Variants in DSCAML1 observed in about 807,000 individuals in gnomAD.
DSCAML1 encodes DS cell adhesion molecule like 1.
DSCAML1 carries 38 observed loss-of-function variants against 200.5 expected under a neutral mutation model. The ratio of observed to expected loss-of-function variants is 0.19; its 90% CI spans 0.15 to 0.25. DSCAML1 has a LOEUF of 0.25. Among genes scored for constraint, DSCAML1 ranks in the 10% least tolerant of loss-of-function variants. DSCAML1 has a pLI of 1.00. For synonymous variants in DSCAML1, 1,215 were observed against 1,165.0 expected (o/e 1.04, Z -0.87); for missense variants, 2,223 against 2,858.8 (o/e 0.78, Z 5.07).
chr11:117,767,129 T>C (rs547455776), intron 3 of DSCAML1, among the ~76,000 whole-genome samples: 31 of 152,198 alleles, frequency 2.0e-4, no homozygotes, highest in African/African-American at 7.2e-4. Flanking sequence ...GAGAGCACCA[T>C]ACAAACCGAA....
At chr11:117,578,230 T>C (rs1424945171) in intron 3 of DSCAML1, among the ~76,000 whole-genome samples, 1 of 96,978 alleles carries the variant, frequency 1.0e-5, no homozygotes, top group Non-Finnish European at 2.1e-5. Flanking sequence ...AGCGAAACTC[T>C]GTCTCGAAAA....
intron 8 of DSCAML1, among the ~76,000 whole-genome samples, chr11:117,510,281 G>C (rs2049593087): frequency 6.6e-6 from 1 of 152,160 alleles, no homozygotes; most frequent in South Asian, 2.1e-4. Context: ...CACGGAGATG[G>C]GGCACTAGCC....
intron 3 of DSCAML1, among the ~76,000 whole-genome samples, chr11:117,597,427 CAAG>C (rs2051383792): frequency 6.6e-6 from 1 of 152,180 alleles, no homozygotes; most frequent in Admixed American, 6.5e-5. Flanking sequence ...TGCCAGCCTG[CAAG>C]AAGGAGGACC....
chr11:117,662,050 G>A (rs2052865886), intron 3 of DSCAML1, among the ~76,000 whole-genome samples: 1 of 152,328 alleles, frequency 6.6e-6, no homozygotes, highest in African/African-American at 2.4e-5. Context: ...TTTCTCAGAA[G>A]TGCTTCTGCC....
chr11:117,606,324 G>A (rs566995824), intron 3 of DSCAML1, among the ~76,000 whole-genome samples: 2 of 152,156 alleles, frequency 1.3e-5, no homozygotes, highest in South Asian at 4.2e-4. Context: ...TACCTTCACT[G>A]CCCCCCTGGA....
intron 5 of DSCAML1, among the ~76,000 whole-genome samples, chr11:117,523,601 T>C (rs1030157393): frequency 1.3e-5 from 2 of 152,196 alleles, no homozygotes; most frequent in African/African-American, 2.4e-5. Context: ...ACACTCCAAC[T>C]CTCAAGACTC....
chr11:117,431,774 C>A (rs753919145), intron 30 of DSCAML1, 46 bp from the exon 31 acceptor site: 2 of 1,493,826 alleles, frequency 1.3e-6, no homozygotes, highest in Admixed American at 4.1e-5. Context: ...CCAAAGGCAC[C>A]CAGGCTTGGG....
chr11:117,556,998 G>A (rs569171784), intron 3 of DSCAML1, among the ~76,000 whole-genome samples: 23 of 152,202 alleles, frequency 1.5e-4, no homozygotes, highest in Non-Finnish European at 2.6e-4. Flanking sequence ...CTCTCCTGGA[G>A]ATGGATGCAG....
At chr11:117,771,822 A>G (rs2055044364) in intron 3 of DSCAML1, among the ~76,000 whole-genome samples, 1 of 152,228 alleles carries the variant, frequency 6.6e-6, no homozygotes. Context: ...TAGAGATAAT[A>G]TATATAAAAT....
chr11:117,613,682 G>A (rs1363283106), intron 3 of DSCAML1, among the ~76,000 whole-genome samples: 2 of 152,196 alleles, frequency 1.3e-5, no homozygotes, highest in African/African-American at 4.8e-5. Context: ...ACCGCGTTAG[G>A]CAGGCGGGGA....
In DSCAML1 at chr11:117,521,246, A is replaced by T; in HGVS notation, c.1097T>A (p.Leu366His). The change falls in exon 6 of 33, where the codon CTC becomes CAC. Residue 366 changes from leucine (L) to histidine (H), a missense_variant. Leu to His is a moderately conservative substitution (Grantham distance 99). This residue lies in a region of DSCAML1 where 579 missense variants were observed against 721.5 expected (regional missense o/e 0.80). Coordinates refer to ENST00000651296, the MANE Select transcript of DSCAML1 (RefSeq NM_020693.4). ...GGTGATGAGCAGCGTCTCGTTGCTGAGCCCGCGGATGGAGATGGCCTCGTC... is the reference window on the plus strand; with the variant it reads ...GGTGATGAGCAGCGTCTCGTTGCTGTGCCCGCGGATGGAGATGGCCTCGTC... The part of the protein sequence containing the change: ...LPDEAISIRG[L>H]SNETLLITSA... 1 of 1,614,138 alleles carries T rather than the reference A, an allele frequency of 6.2e-7. No individual in the cohort carries two copies. The highest frequency in any genetic ancestry group is 8.5e-7 in the Non-Finnish European group (1 of 1,180,022).
Position 117,516,356 on chromosome 11 carries a change from C to G in DSCAML1, c.1783+111G>C. Reference sequence around the variant, plus strand: ...CCAAGCTGGGGCCTCTCTTGCTCAGCCTTCCGTTCACCCAGGATTGCCTAT... The same window carrying G: ...CCAAGCTGGGGCCTCTCTTGCTCAGGCTTCCGTTCACCCAGGATTGCCTAT... On this transcript the variant is annotated intron_variant, in intron 8 of 32. Transcript: ENST00000651296. This position sits in a 1 kb window ranked among gnomAD's most constrained non-coding sequence, Gnocchi z 5.7. 1 of 1,385,220 alleles carries G rather than the reference C, an allele frequency of 7.2e-7. No individual in the cohort carries two copies. Among genetic ancestry groups the G allele is most frequent in the Non-Finnish European group, 9.8e-7 (1 of 1,025,350 alleles). 85.8% of individuals were successfully genotyped at this position (1,385,220 alleles called of 1,614,324 possible).
chr11:117,666,855 A>G (rs1420492484), intron 3 of DSCAML1, among the ~76,000 whole-genome samples: 3 of 152,200 alleles, frequency 2.0e-5, no homozygotes, highest in African/African-American at 7.2e-5. Flanking sequence ...GCAGTGATGG[A>G]TCTGGAGTGC....
intron 3 of DSCAML1, among the ~76,000 whole-genome samples, chr11:117,761,068 G>C (rs1370543261): frequency 2.0e-5 from 3 of 152,122 alleles, no homozygotes; most frequent in Admixed American, 6.5e-5. Context: ...CTACAAGGGG[G>C]TCTCATATCT....
intron 3 of DSCAML1, among the ~76,000 whole-genome samples, chr11:117,718,236 C>A (rs550072878): frequency 1.3e-5 from 2 of 152,216 alleles, no homozygotes; most frequent in East Asian, 1.9e-4. Flanking sequence ...TCCCCCACCC[C>A]CCTTCCCGAG....
At position 117,431,758 on chromosome 11, in the gene DSCAML1, C is replaced by A. The variant is rs369012339; in HGVS notation, c.5180-30G>T. The A allele has an allele frequency of 1.3e-4, 198 of 1,504,180 alleles. 1 individual carries two copies. In the Admixed American group the frequency reaches 3.6e-3, roughly 28 times the overall value. The allele number at this position is 1,504,180 out of a possible 1,614,324, so 93.2% of individuals were successfully genotyped here. Reference sequence around the variant, plus strand: ...ACAGACAGAAGCAAGAAATTGCATCCTCCAACCAAAGGCACCCAGGCTTGG... The same window carrying A: ...ACAGACAGAAGCAAGAAATTGCATCATCCAACCAAAGGCACCCAGGCTTGG... On this transcript the variant is annotated intron_variant, in intron 30 of 32. Transcript: ENST00000651296.
chr11:117,771,652 A>G (rs1485306883), intron 3 of DSCAML1, among the ~76,000 whole-genome samples: 2 of 152,210 alleles, frequency 1.3e-5, no homozygotes, highest in Non-Finnish European at 2.9e-5. Context: ...AGGAACCGGA[A>G]GACCGGCTCA....
Position 117,780,736 on chromosome 11 carries a change from C to A in DSCAML1, c.121G>T (p.Val41Leu), listed in dbSNP as rs775298739. 1.9e-6 allele frequency: 3 copies of A among 1,559,020 alleles called. No homozygotes were observed. The highest frequency in any genetic ancestry group is 2.0e-5 in the Admixed American group (1 of 50,736). ...GCCGGGCAGGGCACCACCACCCCCA[C>A]GGAGCTGGAAAAGGTCACCTGCTGC... Reference protein sequence around the residue: ...SLQQVTFSSSVGVVVPCPAAG... With the variant: ...SLQQVTFSSSLGVVVPCPAAG... The change falls in exon 2 of 33, where the codon GTG becomes TTG. Residue 41 changes from valine (V) to leucine (L), a missense_variant. By Grantham distance (32) the Val-to-Leu change is conservative. This residue lies in a region of DSCAML1 where 579 missense variants were observed against 721.5 expected (regional missense o/e 0.80). Transcript: ENST00000651296. This position sits in a 1 kb window ranked among gnomAD's most constrained non-coding sequence, Gnocchi z 4.8.
intron 3 of DSCAML1, among the ~76,000 whole-genome samples, chr11:117,640,985 T>C (rs749267137): frequency 3.3e-5 from 5 of 152,256 alleles, no homozygotes; most frequent in African/African-American, 4.8e-5. Flanking sequence ...CACATAGCCG[T>C]AACTCTTGAA....
Sources: gnomAD v4.1 joint callset for allele counts (sites outside exome capture counted in the v4.1 genomes callset) on GRCh38, gnomAD v4.1.1 for gene constraint, gnomAD v4.1.1 regional missense constraint, Gnocchi (gnomAD v3.1) non-coding constraint, MANE v1.5 for transcripts, NCBI Gene and HGNC (gene_info 2026-07-23, HGNC 2026-07-21) for gene names.